JAKMIP1: variants seen among roughly 807,000 people sequenced by gnomAD.
JAKMIP1 encodes the protein janus kinase and microtubule-interacting protein 1.
In JAKMIP1, 33 loss-of-function variants were observed where a neutral mutation model predicts 113.0. The ratio of observed to expected loss-of-function variants is 0.29; its 90% CI spans 0.22 to 0.39. JAKMIP1 has a LOEUF of 0.39. Ranked by LOEUF, JAKMIP1 falls within the 10% of genes least tolerant of loss-of-function variation. JAKMIP1 has a pLI of 1.00. For synonymous variants in JAKMIP1, 480 were observed against 459.9 expected, an observed-to-expected ratio of 1.04 and a Z score of -0.56; for missense variants, 813 against 1,080.5, an observed-to-expected ratio of 0.75 and a Z score of 3.47.
rs1171692568 is a variant in JAKMIP1 at position 6,154,515 on chromosome 4, G to A, written c.-147-41518C>T. On this transcript the variant is annotated intron_variant, in intron 1 of 20. Transcript: ENST00000409021. This position sits in a 1 kb window ranked among gnomAD's most constrained non-coding sequence, Gnocchi z 4.2. ...TATAGTCCTTTAAAAAAAAAAAAAA[G>A]CAGGGGGGATATAAAAGGAAGAGGA... 6.7e-6 allele frequency among the ~76,000 whole-genome samples: 1 copy of A among 148,400 alleles called. No homozygotes were observed. The highest frequency in any genetic ancestry group is 2.5e-5 in the African/African-American group (1 of 40,314).
Position 6,150,971 on chromosome 4 carries a change from T to C in JAKMIP1, c.-147-37974A>G, listed in dbSNP as rs1220446855. Among the ~76,000 whole-genome samples, 1 of 152,036 alleles carries C rather than the reference T, an allele frequency of 6.6e-6. No individual in the cohort carries two copies. Among genetic ancestry groups the C allele is most frequent in the Non-Finnish European group, 1.5e-5 (1 of 67,998 alleles). On this transcript the variant is annotated intron_variant, in intron 1 of 20. Coordinates refer to ENST00000409021, the MANE Select transcript of JAKMIP1 (RefSeq NM_001099433.2). This position sits in a 1 kb window ranked among gnomAD's most constrained non-coding sequence, Gnocchi z 4.8. ...TGTCATCCACCAAAAGCAAAACACCTGGTGAAGGCTGCTGGGGATGGCAGC... is the reference window on the plus strand; with the variant it reads ...TGTCATCCACCAAAAGCAAAACACCCGGTGAAGGCTGCTGGGGATGGCAGC...
chr4:6,095,152 G>A (rs971367937), intron 3 of JAKMIP1, among the ~76,000 whole-genome samples: 1 of 149,782 alleles, frequency 6.7e-6, no homozygotes, highest in Non-Finnish European at 1.5e-5. Context: ...AAAAAGAAAG[G>A]AGCAAAGGAA....
intron 1 of JAKMIP1, among the ~76,000 whole-genome samples, chr4:6,117,504 G>A (rs1578284083): frequency 6.7e-6 from 1 of 148,412 alleles, no homozygotes; most frequent in South Asian, 2.1e-4. Flanking sequence ...CAAGATCACA[G>A]GACCACAGGA....
rs1726373954 is a variant in JAKMIP1, at chr4:6,184,196, G to A, written c.-148+16057C>T. On this transcript the variant is annotated intron_variant, in intron 1 of 20. Transcript: ENST00000409021. This position sits in a 1 kb window ranked among gnomAD's most constrained non-coding sequence, Gnocchi z 4.5. ...TTGCAGATGGGAAAACAAACCCAAA[G>A]AGAGGTGAGTGTATCACACTGTCCT... 2.0e-5 allele frequency among the ~76,000 whole-genome samples: 3 copies of A among 152,196 alleles called. No individual in the cohort carries two copies. The highest frequency in any genetic ancestry group is 6.5e-5 in the Admixed American group (1 of 15,278).
At chr4:6,123,887 T>C (rs1193359014) in intron 1 of JAKMIP1, among the ~76,000 whole-genome samples, 1 of 152,220 alleles carries the variant, frequency 6.6e-6, no homozygotes, top group African/African-American at 2.4e-5. Context: ...GGAGACCTCA[T>C]TTTCCAATTA....
intron 3 of JAKMIP1, among the ~76,000 whole-genome samples, chr4:6,090,444 C>T (rs1054340677): frequency 1.2e-4 from 19 of 152,218 alleles, no homozygotes; most frequent in Admixed American, 7.2e-4. Context: ...ACTCCAGAAC[C>T]GTAGAGAAAA....
intron 1 of JAKMIP1, among the ~76,000 whole-genome samples, chr4:6,124,482 G>A (rs1252745974): frequency 6.6e-6 from 1 of 152,138 alleles, no homozygotes; most frequent in Admixed American, 6.5e-5. Flanking sequence ...AGTTCTCAGA[G>A]GTGTCCCCTA....
chr4:6,091,578 A>T (rs532704103), intron 3 of JAKMIP1, among the ~76,000 whole-genome samples: 4 of 152,314 alleles, frequency 2.6e-5, no homozygotes, highest in African/African-American at 7.2e-5. Flanking sequence ...CACATGGCAA[A>T]CAAATGGGGA....
rs1487432105 is a variant in JAKMIP1, at chr4:6,150,264, CT to C, written c.-147-37268del. 1 of 152,220 alleles carries C rather than the reference CT, an allele frequency of 6.6e-6. No individual in the cohort carries two copies. The highest frequency in any genetic ancestry group is 1.5e-5 in the Non-Finnish European group (1 of 68,110). 9.4% of individuals were successfully genotyped at this position (152,220 alleles called of 1,614,324 possible). The stretch of plus-strand genomic sequence containing the variant: ...TATTAGCTCAGTAATCTTCATAATT[CT>C]TTGAAGGAGGTGCCAGCTTCCCTCC... On this transcript the variant is annotated intron_variant, in intron 1 of 20. Coordinates refer to ENST00000409021, the MANE Select transcript of JAKMIP1 (RefSeq NM_001099433.2). The surrounding 1 kb of genome is among the most constrained non-coding windows in gnomAD (Gnocchi z 4.8).
chr4:6,041,766 C>T (rs1482630425), intron 17 of JAKMIP1, among the ~76,000 whole-genome samples: 3 of 152,188 alleles, frequency 2.0e-5, no homozygotes, highest in Non-Finnish European at 4.4e-5. Context: ...CCCATGTGTT[C>T]CTAGAGTCAC....
chr4:6,131,898 A>C (rs1388722263), intron 1 of JAKMIP1, among the ~76,000 whole-genome samples: 1 of 152,242 alleles, frequency 6.6e-6, no homozygotes, highest in Non-Finnish European at 1.5e-5. Context: ...TCTCCAGACA[A>C]ACACAAATTT....
chr4:6,106,349 G>A lies in JAKMIP1; in HGVS notation c.130-382C>T, dbSNP rs139554421. 1.3e-3 allele frequency among the ~76,000 whole-genome samples: 194 copies of A among 152,158 alleles called. 2 individuals carry two copies. The highest frequency in any genetic ancestry group is 0.01 in the Middle Eastern group (3 of 294). On this transcript the variant is annotated intron_variant, in intron 2 of 20. Transcript: ENST00000409021. The surrounding 1 kb of genome is among the most constrained non-coding windows in gnomAD (Gnocchi z 5.9). ...CAGAAATATATTTCCAGGGCCCCAT[G>A]CGCGGACTGTGGAGTTGGAAAAGAC...
intron 11 of JAKMIP1, 51 bp downstream of exon 11, chr4:6,060,373 C>A: frequency 7.1e-7 from 1 of 1,410,902 alleles, no homozygotes; most frequent in Non-Finnish European, 1.0e-6. Flanking sequence ...GGGATACCAC[C>A]AAGGGGACAG....
intron 16 of JAKMIP1, among the ~76,000 whole-genome samples, chr4:6,046,596 G>T (rs1280182177): frequency 6.6e-6 from 1 of 151,832 alleles, no homozygotes; most frequent in Non-Finnish European, 1.5e-5. Flanking sequence ...GTGGGGGTGG[G>T]CAGGGTGCAA....
chr4:6,068,989 C>A (rs1306742245), intron 8 of JAKMIP1, among the ~76,000 whole-genome samples: 3 of 152,066 alleles, frequency 2.0e-5, no homozygotes, highest in African/African-American at 7.2e-5. Flanking sequence ...ATGCAGTAAG[C>A]CTACATGTAC....
At chr4:6,034,989 G>C (rs192706060) in intron 19 of JAKMIP1, among the ~76,000 whole-genome samples, 27 of 152,322 alleles carry the variant, frequency 1.8e-4, no homozygotes, top group African/African-American at 6.5e-4. Flanking sequence ...GCTGCTAGCA[G>C]ATGGCCTTCA....
Position 6,064,609 on chromosome 4 carries a change from T to A in JAKMIP1, c.1431+271A>T, listed in dbSNP as rs1207650321. On this transcript the variant is annotated intron_variant, in intron 9 of 20. Coordinates refer to ENST00000409021, the MANE Select transcript of JAKMIP1 (RefSeq NM_001099433.2). The surrounding 1 kb of genome is among the most constrained non-coding windows in gnomAD (Gnocchi z 4.3). Reference sequence around the variant, plus strand: ...CATCCCTCAATGACTCAGCTTGAACTTGGCAGCCACAGATTTCCTTGGTGG... The same window carrying A: ...CATCCCTCAATGACTCAGCTTGAACATGGCAGCCACAGATTTCCTTGGTGG... 1.3e-5 allele frequency among the ~76,000 whole-genome samples: 2 copies of A among 152,058 alleles called. No homozygotes were observed. The highest frequency in any genetic ancestry group is 2.9e-5 in the Non-Finnish European group (2 of 68,012).
chr4:6,114,629 A>C (rs1715463454), intron 1 of JAKMIP1, among the ~76,000 whole-genome samples: 1 of 152,332 alleles, frequency 6.6e-6, no homozygotes, highest in African/African-American at 2.4e-5. Context: ...AACAGGAGAG[A>C]GGGGTGTTTC....
In JAKMIP1 at chr4:6,124,398, G is replaced by A. The variant is rs949756272; in HGVS notation, c.-147-11401C>T. 4.6e-5 allele frequency among the ~76,000 whole-genome samples: 7 copies of A among 152,104 alleles called. No individual in the cohort carries two copies. In the East Asian group the frequency reaches 5.8e-4, roughly 13 times the overall value. On this transcript the variant is annotated intron_variant, in intron 1 of 20. Coordinates refer to ENST00000409021, the MANE Select transcript of JAKMIP1 (RefSeq NM_001099433.2). ...ACCCAATTCCACGCTTAAGTGTGGC[G>A]GCTTAATCCACAAATGGGCCTCAGG...
Sources: allele counts gnomAD v4.1 joint callset (sites outside exome capture counted in the v4.1 genomes callset), GRCh38; gene constraint gnomAD v4.1.1; non-coding constraint Gnocchi (gnomAD v3.1); transcripts MANE v1.5; gene names NCBI Gene and HGNC (gene_info 2026-07-23, HGNC 2026-07-21).